Variants in SLC30A8 observed in about 807,000 individuals in gnomAD.
The protein encoded by SLC30A8 is proton-coupled zinc antiporter SLC30A8.
SLC30A8 carries 27 observed loss-of-function variants against 36.9 expected under a neutral mutation model. That is an observed-to-expected ratio of 0.73 (90% confidence interval 0.54 to 1.01). The LOEUF (loss-of-function observed/expected upper bound fraction) is 1.01, where lower values mean the gene tolerates loss of function less well. SLC30A8 is among the 50% of genes least tolerant of loss of function. The pLI, the probability that SLC30A8 is intolerant of heterozygous loss-of-function variation, is 0.00. For synonymous variants in SLC30A8, 164 were observed against 172.4 expected (o/e 0.95, Z 0.38); for missense variants, 439 against 452.0 (o/e 0.97, Z 0.26).
intron 1 of SLC30A8, among the ~76,000 whole-genome samples, chr8:116,951,740 C>T (rs1813998707): frequency 6.6e-6 from 1 of 152,126 alleles, no homozygotes; most frequent in South Asian, 2.1e-4. Flanking sequence ...CTCTCTCTTC[C>T]TGTCATTCAT....
intron 2 of SLC30A8, among the ~76,000 whole-genome samples, chr8:117,127,190 A>T (rs1292339748): frequency 6.6e-6 from 1 of 151,388 alleles, no homozygotes; most frequent in Non-Finnish European, 1.5e-5. Flanking sequence ...ACGCGTTCCA[A>T]ATTATTTTTG....
chr8:117,007,888 CACTT>C lies in SLC30A8; in HGVS notation c.-265-31329_-265-31326del, dbSNP rs376451025. 1.9e-3 allele frequency among the ~76,000 whole-genome samples: 287 copies of C among 152,166 alleles called. 3 individuals are homozygous for C. Among genetic ancestry groups the C allele is most frequent in the African/African-American group, 6.3e-3 (262 of 41,532 alleles). On this transcript the variant is annotated intron_variant, in intron 1 of 10. Coordinates refer to the SLC30A8 transcript ENST00000427715. ...TATTAAAAATTGATGTACACAAAAA[CACTT>C]AAAAACACAAATATACAAATTAAAC...
chr8:116,979,119 A>G (rs1389371533), intron 1 of SLC30A8, among the ~76,000 whole-genome samples: 5 of 150,822 alleles, frequency 3.3e-5, no homozygotes, highest in Non-Finnish European at 7.4e-5. Flanking sequence ...CGCTTGTAGT[A>G]TCCCAGCTAC....
intron 2 of SLC30A8, among the ~76,000 whole-genome samples, chr8:117,048,238 G>T (rs1817611728): frequency 6.6e-6 from 1 of 152,188 alleles, no homozygotes; most frequent in Non-Finnish European, 1.5e-5. Flanking sequence ...TCTGTGCCAA[G>T]GATGGTCATA....
At chr8:117,034,765 A>C (rs1439909973) in intron 1 of SLC30A8, among the ~76,000 whole-genome samples, 2 of 152,206 alleles carry the variant, frequency 1.3e-5, no homozygotes, top group Non-Finnish European at 2.9e-5. Context: ...AAAGAGGTTT[A>C]ATTGACTCAA....
At position 117,031,370 on chromosome 8, in the gene SLC30A8, C is replaced by G. The variant is rs1478218470; in HGVS notation, c.-265-7849C>G. Among the ~76,000 whole-genome samples the G allele has an allele frequency of 2.0e-5, 3 of 152,074 alleles. No homozygotes were observed. In the East Asian group the frequency reaches 5.8e-4, roughly 29 times the overall value. ...CTTATATGCTATACTATAGGGCTTT[C>G]TAGAATTTTGAGAAATGCATTTAGA... On this transcript the variant is annotated intron_variant, in intron 1 of 10. Coordinates refer to the SLC30A8 transcript ENST00000427715.
intron 2 of SLC30A8, among the ~76,000 whole-genome samples, chr8:117,104,133 CA>C (rs1819864307): frequency 6.6e-6 from 1 of 152,172 alleles, no homozygotes; most frequent in South Asian, 2.1e-4. Flanking sequence ...AACTAGACCC[CA>C]ACTTGGGGTT....
intron 2 of SLC30A8, among the ~76,000 whole-genome samples, chr8:117,106,223 T>C (rs1217219241): frequency 6.6e-6 from 1 of 152,192 alleles, no homozygotes; most frequent in Non-Finnish European, 1.5e-5. Context: ...TTTCGAACAC[T>C]AGGAGTATAC....
chr8:117,151,613 G>A (rs1232768624), intron 2 of SLC30A8, among the ~76,000 whole-genome samples: 1 of 152,172 alleles, frequency 6.6e-6, no homozygotes, highest in African/African-American at 2.4e-5. Context: ...CCTCAGCTGA[G>A]ACTGTTGAAG....
intron 1 of SLC30A8, among the ~76,000 whole-genome samples, chr8:116,968,692 T>C (rs1457211340): frequency 6.6e-6 from 1 of 151,306 alleles, no homozygotes; most frequent in East Asian, 1.9e-4. Flanking sequence ...GAAAGAGGAG[T>C]GAATAGTTGG....
At chr8:117,157,078 A>G (rs1170266072) in intron 3 of SLC30A8, among the ~76,000 whole-genome samples, 2 of 152,184 alleles carry the variant, frequency 1.3e-5, no homozygotes, top group Admixed American at 1.3e-4. Context: ...ATCTTTACAT[A>G]TTGATGTAAA....
rs1823603701 is a variant in SLC30A8 at position 117,175,035 on chromosome 8, T to G, written c.*2354T>G. The stretch of plus-strand genomic sequence containing the variant: ...AGAACTCCAGGTCACTGGAAGTTAG[T>G]GGAATCATGTAGTTGAATTCTTTAC... On this transcript the variant is annotated 3_prime_UTR_variant, in exon 8 of 8. Coordinates refer to ENST00000456015, the MANE Select transcript of SLC30A8 (RefSeq NM_173851.3). 6.6e-6 allele frequency: 1 copy of G among 152,168 alleles called. No individual in the cohort carries two copies. Among genetic ancestry groups the G allele is most frequent in the African/African-American group, 2.4e-5 (1 of 41,456 alleles). The allele number at this position is 152,168 out of a possible 1,614,324, so 9.4% of individuals were successfully genotyped here.
chr8:116,972,962 C>A (rs1282495952), intron 1 of SLC30A8, among the ~76,000 whole-genome samples: 2 of 152,150 alleles, frequency 1.3e-5, no homozygotes, highest in African/African-American at 4.8e-5. Flanking sequence ...TTTGTTGAAA[C>A]CATCCCCGAT....
chr8:116,968,554 CATTGGCTAA>C (rs1235224274), intron 1 of SLC30A8, among the ~76,000 whole-genome samples: 1 of 151,542 alleles, frequency 6.6e-6, no homozygotes, highest in East Asian at 1.9e-4. Flanking sequence ...ATTGACATTC[CATTGGCTAA>C]AGTAAATCAC....
chr8:117,095,988 C>T (rs142348495), intron 2 of SLC30A8, among the ~76,000 whole-genome samples: 8 of 152,282 alleles, frequency 5.3e-5, no homozygotes, highest in Non-Finnish European at 1.2e-4. Context: ...AAGCACTGAG[C>T]TGCTGTTGAG....
At chr8:117,068,645 C>T (rs1003883919) in intron 2 of SLC30A8, among the ~76,000 whole-genome samples, 3 of 151,514 alleles carry the variant, frequency 2.0e-5, no homozygotes, top group African/African-American at 7.3e-5. Context: ...GGTGTGATCT[C>T]GGCTCACTGA....
intron 2 of SLC30A8, among the ~76,000 whole-genome samples, chr8:117,123,939 G>C (rs1276220539): frequency 6.6e-6 from 1 of 151,976 alleles, no homozygotes; most frequent in Non-Finnish European, 1.5e-5. Flanking sequence ...TTGCTGTGGG[G>C]AATCCTCTCA....
At chr8:116,972,969 C>T (rs73701641) in intron 1 of SLC30A8, among the ~76,000 whole-genome samples, 2,220 of 152,196 alleles carry the variant, frequency 0.015, 61 homozygotes, top group African/African-American at 0.051. Flanking sequence ...AAACCATCCC[C>T]GATCTGAGGA....
chr8:117,009,740 T>C (rs1309835404), intron 1 of SLC30A8, among the ~76,000 whole-genome samples: 2 of 152,222 alleles, frequency 1.3e-5, no homozygotes, highest in East Asian at 1.9e-4. Flanking sequence ...ACCAATATGA[T>C]GAAGGCCTTC....
Sources: gnomAD v4.1 joint callset for allele counts (sites outside exome capture counted in the v4.1 genomes callset) on GRCh38, gnomAD v4.1.1 for gene constraint, MANE v1.5 for transcripts, NCBI Gene and HGNC (gene_info 2026-07-23, HGNC 2026-07-21) for gene names.